The following NCKAP5 variants were observed in gnomAD, a reference collection of about 807,000 sequenced individuals.
The protein encoded by NCKAP5 is NCK associated protein 5.
A neutral mutation model predicts 167.0 loss-of-function variants in NCKAP5; 92 were observed. The observed-to-expected ratio is 0.55, with a 90% CI of 0.47 to 0.66. The LOEUF (loss-of-function observed/expected upper bound fraction) is 0.66, where lower values mean the gene tolerates loss of function less well. NCKAP5 is among the 30% of genes least tolerant of loss of function. The pLI, the probability that NCKAP5 is intolerant of heterozygous loss-of-function variation, is 0.00. For synonymous variants in NCKAP5, 891 were observed against 877.4 expected (o/e 1.02, Z -0.27); for missense variants, 2,378 against 2,315.0 (o/e 1.03, Z -0.56).
chr2:132,925,917 C>A (rs2149030608), intron 8 of NCKAP5, among the ~76,000 whole-genome samples: 1 of 152,252 alleles, frequency 6.6e-6, no homozygotes, highest in Non-Finnish European at 1.5e-5. Flanking sequence ...TTAGGGGGTA[C>A]AAGTGCAGTT....
rs111998835 is a variant in NCKAP5 at position 132,739,233 on chromosome 2, C to T, written c.5129-7182G>A. Among the ~76,000 whole-genome samples the T allele has an allele frequency of 2.6e-3, 395 of 152,256 alleles. 1 individual carries two copies. Among genetic ancestry groups the T allele is most frequent in the African/African-American group, 9.2e-3 (381 of 41,552 alleles). ...GCAGATTCAAGTGTCTCCATCTTTT[C>T]TTACGGATCCAATTTCACATATCTG... On this transcript the variant is annotated intron_variant, in intron 16 of 19. Coordinates refer to ENST00000409261, the MANE Select transcript of NCKAP5 (RefSeq NM_207363.3).
chr2:133,487,426 T>C (rs1681006360), intron 3 of NCKAP5, among the ~76,000 whole-genome samples: 1 of 152,178 alleles, frequency 6.6e-6, no homozygotes, highest in African/African-American at 2.4e-5. Flanking sequence ...TGTTGTTGGC[T>C]CTGCTGCTAA....
At chr2:133,422,001 T>A (rs946031669) in intron 3 of NCKAP5, among the ~76,000 whole-genome samples, 1 of 152,218 alleles carries the variant, frequency 6.6e-6, no homozygotes, top group African/African-American at 2.4e-5. Context: ...GCATTGGGGA[T>A]AGAGAACTGA....
At chr2:132,676,724 A>G (rs942523441) in intron 19 of NCKAP5, among the ~76,000 whole-genome samples, 17 of 152,214 alleles carry the variant, frequency 1.1e-4, no homozygotes, top group African/African-American at 4.1e-4. Context: ...TAATCATGGT[A>G]ATAACAGTTA....
the NCKAP5 span, among the ~76,000 whole-genome samples, chr2:133,615,964 G>A: frequency 1.3e-5 from 2 of 150,178 alleles, no homozygotes. Flanking sequence ...TCAGACCACA[G>A]TGCAATCAAA....
At chr2:132,915,168 T>C (rs1174727270) in intron 8 of NCKAP5, among the ~76,000 whole-genome samples, 2 of 152,052 alleles carry the variant, frequency 1.3e-5, no homozygotes, top group Non-Finnish European at 2.9e-5. Flanking sequence ...ATGGATCTGC[T>C]AGACTTGTGG....
intron 3 of NCKAP5, among the ~76,000 whole-genome samples, chr2:133,400,934 A>G (rs1688059835): frequency 6.6e-6 from 1 of 152,138 alleles, no homozygotes; most frequent in Non-Finnish European, 1.5e-5. Flanking sequence ...GAATGAGGGC[A>G]GCAGCTTTTG....
chr2:132,837,045 G>A (rs1687940554), intron 11 of NCKAP5, among the ~76,000 whole-genome samples: 1 of 152,288 alleles, frequency 6.6e-6, no homozygotes, highest in South Asian at 2.1e-4. Flanking sequence ...ACATTTGGTT[G>A]GTCGTAGTAG....
At chr2:133,609,003 A>G in the NCKAP5 span, among the ~76,000 whole-genome samples, 1 of 152,200 alleles carries the variant, frequency 6.6e-6, no homozygotes, top group East Asian at 1.9e-4. Flanking sequence ...CTAATCAGTT[A>G]CTGACAAAAT....
chr2:133,488,398 G>GA (rs1313348399), intron 3 of NCKAP5, among the ~76,000 whole-genome samples: 1 of 152,174 alleles, frequency 6.6e-6, no homozygotes, highest in East Asian at 1.9e-4. Context: ...ATCAAGCATG[G>GA]AAAAATCAGC....
At chr2:133,362,179 G>A (rs1056619880) in intron 3 of NCKAP5, among the ~76,000 whole-genome samples, 8 of 152,180 alleles carry the variant, frequency 5.3e-5, no homozygotes, top group African/African-American at 1.7e-4. Context: ...AAGCCAGAGA[G>A]AAAGCAGAAC....
At chr2:132,851,031 A>T (rs1025524490) in intron 11 of NCKAP5, among the ~76,000 whole-genome samples, 2 of 150,460 alleles carry the variant, frequency 1.3e-5, no homozygotes, top group Non-Finnish European at 3.0e-5. Flanking sequence ...TTTTTCAAGC[A>T]TTTTTTTTTC....
intron 3 of NCKAP5, among the ~76,000 whole-genome samples, chr2:133,483,433 C>A (rs895265711): frequency 2.6e-5 from 4 of 152,090 alleles, no homozygotes; most frequent in Non-Finnish European, 5.9e-5. Flanking sequence ...TCTAGCTGAC[C>A]AAAAGCCAAG....
chr2:133,480,080 T>C (rs1171685416), intron 3 of NCKAP5, among the ~76,000 whole-genome samples: 2 of 151,878 alleles, frequency 1.3e-5, no homozygotes, highest in African/African-American at 4.8e-5. Flanking sequence ...TACAGGCATG[T>C]ACCACCATGC....
At chr2:133,425,922 C>G (rs1351843103) in intron 3 of NCKAP5, among the ~76,000 whole-genome samples, 2 of 152,088 alleles carry the variant, frequency 1.3e-5, no homozygotes, top group Non-Finnish European at 1.5e-5. Flanking sequence ...AGGCAAAAAA[C>G]ACAAAAACTC....
At chr2:133,404,489 AT>A (rs1453607537) in intron 3 of NCKAP5, among the ~76,000 whole-genome samples, 2 of 152,208 alleles carry the variant, frequency 1.3e-5, no homozygotes, top group Non-Finnish European at 2.9e-5. Context: ...ACGATAACTA[AT>A]AATTAAATAG....
At chr2:133,481,550 A>G (rs1009127958) in intron 3 of NCKAP5, among the ~76,000 whole-genome samples, 3 of 152,066 alleles carry the variant, frequency 2.0e-5, no homozygotes, top group African/African-American at 7.2e-5. Flanking sequence ...CCTAGTACCC[A>G]TTAGTTATTT....
Position 132,673,292 on chromosome 2 carries a change from AGTT to A in NCKAP5, c.5724_5726del (p.Thr1909del). 1 of 1,498,328 alleles carries A rather than the reference AGTT, an allele frequency of 6.7e-7. No homozygotes were observed. The highest frequency in any genetic ancestry group is 1.7e-4 in the Middle Eastern group (1 of 5,856). The allele number at this position is 1,498,328 out of a possible 1,614,324, so 92.8% of individuals were successfully genotyped here. ...CTCGGGATCGTCTTTTGTTTCTTCA[AGTT>A]GTCTCAATTTCTGCAATAAAAAGAA... On this transcript the variant is annotated inframe_deletion, in exon 20 of 20. Transcript: ENST00000409261.
chr2:133,434,791 A>AT (rs1055426794), intron 3 of NCKAP5, among the ~76,000 whole-genome samples: 1 of 152,010 alleles, frequency 6.6e-6, no homozygotes, highest in Non-Finnish European at 1.5e-5. Flanking sequence ...TTCCACCAAT[A>AT]TTTTTTTTAA....
Sources: allele counts gnomAD v4.1 joint callset (sites outside exome capture counted in the v4.1 genomes callset), GRCh38; gene constraint gnomAD v4.1.1; transcripts MANE v1.5; gene names NCBI Gene and HGNC (gene_info 2026-07-23, HGNC 2026-07-21).